PPP1R1C: variants seen among roughly 807,000 people sequenced by gnomAD.
PPP1R1C encodes the protein protein phosphatase 1 regulatory inhibitor subunit 1C, also known as protein phosphatase 1 regulatory subunit 1C.
In PPP1R1C, 15 loss-of-function variants were observed where a neutral mutation model predicts 17.4. The ratio of observed to expected loss-of-function variants is 0.86; its 90% CI spans 0.58 to 1.33. The LOEUF (loss-of-function observed/expected upper bound fraction) is 1.33, where lower values mean the gene tolerates loss of function less well. Ranked by LOEUF, PPP1R1C falls within the 40% of genes most tolerant of loss-of-function variation. The pLI is 0.00. For synonymous variants in PPP1R1C, 35 were observed against 43.1 expected, an observed-to-expected ratio of 0.81 and a Z score of 0.73; for missense variants, 143 against 130.0, an observed-to-expected ratio of 1.10 and a Z score of -0.48.
intron 4 of PPP1R1C, among the ~76,000 whole-genome samples, chr2:182,072,538 T>C (rs1688171027): frequency 6.6e-6 from 1 of 152,186 alleles, no homozygotes; most frequent in African/African-American, 2.4e-5. Context: ...AGGGTTCCCA[T>C]GTTAAGTGTC....
Position 182,117,507 on chromosome 2 carries a change from G to T in PPP1R1C, c.*212G>T. 4.5e-6 allele frequency: 2 copies of T among 439,892 alleles called. No individual in the cohort carries two copies. The highest frequency in any genetic ancestry group is 8.2e-6 in the Non-Finnish European group (2 of 244,072). 27.2% of individuals were successfully genotyped at this position (439,892 alleles called of 1,614,324 possible). A position where few individuals can be genotyped will look rare whatever the true frequency, so the allele number is the denominator to read the frequency against. ...CACATCACTTATAATTAAAGAATAA[G>T]CATTTATTTTACAGTGATTCTTCTT... On this transcript the variant is annotated 3_prime_UTR_variant, in exon 5 of 5. Transcript: ENST00000682840.
intron 2 of PPP1R1C, among the ~76,000 whole-genome samples, chr2:182,024,673 G>A (rs905441479): frequency 3.4e-4 from 52 of 151,802 alleles, no homozygotes; most frequent in African/African-American, 1.3e-3. Context: ...CCTGCAACAC[G>A]GTGAAACCTT....
intron 4 of PPP1R1C, among the ~76,000 whole-genome samples, chr2:182,067,667 C>A (rs1688025027): frequency 6.6e-6 from 1 of 151,992 alleles, no homozygotes; most frequent in Non-Finnish European, 1.5e-5. Flanking sequence ...GGTTGTTCAC[C>A]CCACAAAACA....
At chr2:182,085,554 T>A (rs1478816948) in intron 4 of PPP1R1C, among the ~76,000 whole-genome samples, 1 of 152,136 alleles carries the variant, frequency 6.6e-6, no homozygotes, top group Non-Finnish European at 1.5e-5. Flanking sequence ...GATAATTAAA[T>A]TCTGGTTCAA....
At chr2:181,981,698 C>G (rs993995754), upstream of PPP1R1C, among the ~76,000 whole-genome samples, 1 of 152,214 alleles carries the variant, frequency 6.6e-6, no homozygotes, top group Middle Eastern at 3.4e-3. Context: ...TATGAAAGCC[C>G]AATAATATTG....
intron 2 of PPP1R1C, among the ~76,000 whole-genome samples, chr2:182,036,015 G>A (rs1193537932): frequency 6.6e-6 from 1 of 151,578 alleles, no homozygotes; most frequent in East Asian, 1.9e-4. Flanking sequence ...ACACACATTT[G>A]CTTTTCCACA....
At chr2:182,063,385 C>G (rs140167077) in intron 3 of PPP1R1C, among the ~76,000 whole-genome samples, 1 of 152,142 alleles carries the variant, frequency 6.6e-6, no homozygotes, top group African/African-American at 2.4e-5. Context: ...TATACTTTGT[C>G]ATGGAACTCA....
chr2:181,968,797 A>G (rs546957796), intron 1 of PPP1R1C, among the ~76,000 whole-genome samples: 1 of 152,048 alleles, frequency 6.6e-6, no homozygotes, highest in East Asian at 1.9e-4. Flanking sequence ...CTTTTAGTGA[A>G]GGTGATTTTC....
At chr2:182,010,945 A>C (rs1309720839) in intron 2 of PPP1R1C, among the ~76,000 whole-genome samples, 1 of 152,126 alleles carries the variant, frequency 6.6e-6, no homozygotes, top group African/African-American at 2.4e-5. Flanking sequence ...TGTATGTTGA[A>C]CCATTCTTGC....
intron 4 of PPP1R1C, among the ~76,000 whole-genome samples, chr2:182,112,446 T>C (rs141275727): frequency 6.6e-6 from 1 of 152,238 alleles, no homozygotes; most frequent in African/African-American, 2.4e-5. Flanking sequence ...TGATGTAATA[T>C]CTTCTGATAA....
At chr2:182,046,793 C>T (rs1006195201) in intron 2 of PPP1R1C, among the ~76,000 whole-genome samples, 7 of 151,234 alleles carry the variant, frequency 4.6e-5, no homozygotes, top group Non-Finnish European at 8.8e-5. Flanking sequence ...GTTGGACAAT[C>T]ATGGCAAGTA....
chr2:182,101,871 A>G (rs1406170315), intron 4 of PPP1R1C, among the ~76,000 whole-genome samples: 1 of 152,154 alleles, frequency 6.6e-6, no homozygotes, highest in Non-Finnish European at 1.5e-5. Context: ...TGGGGAGGAG[A>G]CTAGAAGAGA....
chr2:182,104,239 T>C (rs981418442), intron 4 of PPP1R1C, among the ~76,000 whole-genome samples: 1 of 152,190 alleles, frequency 6.6e-6, no homozygotes, highest in Non-Finnish European at 1.5e-5. Context: ...TCCAATACTA[T>C]GTAGAATAGA....
intron 4 of PPP1R1C, among the ~76,000 whole-genome samples, chr2:182,115,710 TTAAAG>T (rs773083356): frequency 2.6e-5 from 4 of 152,178 alleles, no homozygotes; most frequent in Non-Finnish European, 5.9e-5. Context: ...TCAGATGAAA[TTAAAG>T]TATTTAAATA....
intron 4 of PPP1R1C, among the ~76,000 whole-genome samples, chr2:182,113,553 C>A (rs1193572196): frequency 6.6e-6 from 1 of 152,164 alleles, no homozygotes; most frequent in African/African-American, 2.4e-5. Flanking sequence ...CCAACTTCGC[C>A]ACTAGGAATA....
At chr2:182,114,384 G>A (rs1401796245) in intron 4 of PPP1R1C, among the ~76,000 whole-genome samples, 1 of 148,892 alleles carries the variant, frequency 6.7e-6, no homozygotes, top group East Asian at 2.0e-4. Context: ...TCAAATGTAA[G>A]TCTCCTCAAA....
intron 3 of PPP1R1C, among the ~76,000 whole-genome samples, chr2:182,061,792 G>C (rs1258768135): frequency 6.6e-6 from 1 of 152,088 alleles, no homozygotes; most frequent in Non-Finnish European, 1.5e-5. Context: ...GCCAAGTAAT[G>C]CTGGAACCCC....
chr2:182,105,956 T>C (rs566718012), intron 4 of PPP1R1C, among the ~76,000 whole-genome samples: 25 of 152,284 alleles, frequency 1.6e-4, no homozygotes, highest in Middle Eastern at 3.4e-3. Context: ...GAGACAACGG[T>C]GTCCTCAGAG....
chr2:181,961,714 T>C lies in PPP1R1C; in HGVS notation n.111+7080T>C. The C allele has an allele frequency of 1.2e-6, 1 of 820,908 alleles. No individual in the cohort carries two copies. The allele number at this position is 820,908 out of a possible 1,614,324, so 50.9% of individuals were successfully genotyped here. A position where few individuals can be genotyped will look rare whatever the true frequency, so the allele number is the denominator to read the frequency against. ...TCAGTTCTTTCGAGTCAGCTCATCATATTGGGCCCGGATATCTGCTATGAT... is the reference window on the plus strand; with the variant it reads ...TCAGTTCTTTCGAGTCAGCTCATCACATTGGGCCCGGATATCTGCTATGAT... On this transcript the variant is annotated intron_variant and non_coding_transcript_variant, in intron 1 of 5. Transcript: ENST00000464264. The surrounding 1 kb of genome is among the most constrained non-coding windows in gnomAD (Gnocchi z 5.8).
Sources: gnomAD v4.1 joint callset for allele counts (sites outside exome capture counted in the v4.1 genomes callset) on GRCh38, gnomAD v4.1.1 for gene constraint, Gnocchi (gnomAD v3.1) non-coding constraint, MANE v1.5 for transcripts, NCBI Gene and HGNC (gene_info 2026-07-23, HGNC 2026-07-21) for gene names.